Variants in FILIP1 observed in about 807,000 individuals in gnomAD.
FILIP1 encodes the protein filamin-A-interacting protein 1.
A neutral mutation model predicts 102.1 loss-of-function variants in FILIP1; 61 were observed. That is an observed-to-expected ratio of 0.60 (90% CI 0.49 to 0.74). The LOEUF is 0.74. Among genes scored for constraint, FILIP1 ranks in the 30% least tolerant of loss-of-function variants. The probability of loss-of-function intolerance (pLI) is 0.00; values close to 1 mark genes in which losing one functional copy is unlikely to be tolerated. For missense variants in FILIP1, 1,314 were observed against 1,441.2 expected (o/e 0.91, Z 1.43); for synonymous variants, 491 against 526.9 (o/e 0.93, Z 0.93).
At chr6:75,381,231 T>C (rs1284981732) in intron 2 of FILIP1, among the ~76,000 whole-genome samples, 3 of 150,240 alleles carry the variant, frequency 2.0e-5, no homozygotes, top group African/African-American at 7.5e-5. Flanking sequence ...GATAATTAGA[T>C]ACAATTTTTT....
chr6:75,374,151 A>G (rs879723113), intron 2 of FILIP1, among the ~76,000 whole-genome samples: 1 of 152,070 alleles, frequency 6.6e-6, no homozygotes, highest in Non-Finnish European at 1.5e-5. Context: ...ACACATTAGG[A>G]TATTAATAGT....
intron 4 of FILIP1, among the ~76,000 whole-genome samples, chr6:75,351,706 G>A (rs972055947): frequency 6.6e-6 from 1 of 152,198 alleles, no homozygotes; most frequent in African/African-American, 2.4e-5. Context: ...ATACATCTAA[G>A]TTTGTGTAAG....
chr6:75,307,983 A>G, downstream of FILIP1: 5 of 937,974 alleles, frequency 5.3e-6, no homozygotes, highest in South Asian at 2.0e-4. Flanking sequence ...TCTGACATTA[A>G]TGATTTTAAA....
At chr6:75,441,640 G>C (rs1395200433) in intron 1 of FILIP1, among the ~76,000 whole-genome samples, 1 of 147,932 alleles carries the variant, frequency 6.8e-6, no homozygotes, top group East Asian at 2.0e-4. Context: ...CCCGGACGGG[G>C]CGGCTGGCCG....
chr6:75,351,609 T>G (rs1774809994), intron 4 of FILIP1, among the ~76,000 whole-genome samples: 1 of 152,226 alleles, frequency 6.6e-6, no homozygotes, highest in Non-Finnish European at 1.5e-5. Flanking sequence ...TATAGTTGCC[T>G]GCAGAATTCA....
intron 2 of FILIP1, among the ~76,000 whole-genome samples, chr6:75,407,140 A>AC (rs765189656): frequency 9.9e-5 from 15 of 152,208 alleles, no homozygotes; most frequent in Non-Finnish European, 1.5e-5. Flanking sequence ...ATGGCTGGGA[A>AC]CCCCAAAAGA....
chr6:75,415,109 A>T, intron 1 of FILIP1, 131 bp from the exon 2 acceptor site: 1 of 879,452 alleles, frequency 1.1e-6, no homozygotes, highest in Non-Finnish European at 1.7e-6. Context: ...ACATGTCATT[A>T]AAATTTTCAG....
At chr6:75,447,968 TAAA>T in intron 1 of FILIP1, among the ~76,000 whole-genome samples, 1 of 151,024 alleles carries the variant, frequency 6.6e-6, no homozygotes, top group East Asian at 1.9e-4. Flanking sequence ...TTTTCAAACA[TAAA>T]AAAAAATAAA....
chr6:75,459,185 A>G (rs570788559), intron 1 of FILIP1, among the ~76,000 whole-genome samples: 1 of 152,266 alleles, frequency 6.6e-6, no homozygotes, highest in African/African-American at 2.4e-5. Context: ...GCTTGGTTTT[A>G]TTTTAACAGA....
chr6:75,451,353 T>G (rs928557519), intron 1 of FILIP1, among the ~76,000 whole-genome samples: 1 of 150,768 alleles, frequency 6.6e-6, no homozygotes, highest in Non-Finnish European at 1.5e-5. Flanking sequence ...AAACAACTTA[T>G]AAATCAATAT....
chr6:75,446,610 T>C (rs1462126667), intron 1 of FILIP1, among the ~76,000 whole-genome samples: 5 of 152,172 alleles, frequency 3.3e-5, no homozygotes, highest in Non-Finnish European at 7.4e-5. Context: ...TGACTTTCAC[T>C]TGGACAAACC....
At chr6:75,404,168 T>C (rs544972440) in intron 2 of FILIP1, among the ~76,000 whole-genome samples, 2 of 152,258 alleles carry the variant, frequency 1.3e-5, no homozygotes, top group South Asian at 2.1e-4. Flanking sequence ...GCCCAGGAGT[T>C]GGAGGCTGCA....
intron 2 of FILIP1, among the ~76,000 whole-genome samples, chr6:75,395,098 C>T (rs1776414839): frequency 6.6e-6 from 1 of 151,896 alleles, no homozygotes; most frequent in Non-Finnish European, 1.5e-5. Context: ...GGAAAAATTT[C>T]CAAGCCATAT....
rs145068072 is a variant in FILIP1, at chr6:75,325,102, A to G, written c.630-9900T>C. Among the ~76,000 whole-genome samples the G allele has an allele frequency of 6.0e-4, 92 of 152,212 alleles. 1 individual carries two copies. The East Asian group carries it at 0.016, about 27-fold the overall frequency. On this transcript the variant is annotated intron_variant, in intron 4 of 5. Coordinates refer to ENST00000237172, the MANE Select transcript of FILIP1 (RefSeq NM_015687.5). ...TAAATAGATGGAACCTAACTAAACT[A>G]AAAAGCTTCTGTACAGCAAAAGAAG...
chr6:75,297,571 C>T lies in FILIP1; in HGVS notation c.3494-1621G>A, dbSNP rs551527592. Among the ~76,000 whole-genome samples, 27 of 152,152 alleles carry T rather than the reference C, an allele frequency of 1.8e-4. 1 individual carries two copies. In the South Asian group the frequency reaches 5.2e-3, roughly 29 times the overall value. ...TACCAGAAGCCCTTATAAACCATCTCGTTTTTTTCATTGAAAAAATATTCC... is the reference window on the plus strand; with the variant it reads ...TACCAGAAGCCCTTATAAACCATCTTGTTTTTTTCATTGAAAAAATATTCC... On this transcript the variant is annotated intron_variant, in intron 6 of 6. Coordinates refer to the FILIP1 transcript ENST00000393004.
At chr6:75,408,517 T>C (rs1776948659) in intron 2 of FILIP1, among the ~76,000 whole-genome samples, 1 of 152,256 alleles carries the variant, frequency 6.6e-6, no homozygotes, top group Non-Finnish European at 1.5e-5. Flanking sequence ...TTTATAATAT[T>C]GGCTCAACAA....
At chr6:75,306,773 G>C (rs1772999449), downstream of FILIP1, among the ~76,000 whole-genome samples, 1 of 148,984 alleles carries the variant, frequency 6.7e-6, no homozygotes. Context: ...TATTTTTTGA[G>C]ACAGAGTCTC....
chr6:75,491,872 G>A (rs962757903), intron 1 of FILIP1, among the ~76,000 whole-genome samples: 27 of 152,096 alleles, frequency 1.8e-4, no homozygotes, highest in African/African-American at 1.2e-4. Context: ...CTTAGTTATC[G>A]CCACACTGTC....
chr6:75,415,429 A>C (rs1177272435), intron 1 of FILIP1, among the ~76,000 whole-genome samples: 2 of 151,626 alleles, frequency 1.3e-5, no homozygotes, highest in Non-Finnish European at 2.9e-5. Flanking sequence ...TAAAATAAAA[A>C]TAAATAAATA....
Sources: allele counts gnomAD v4.1 joint callset (sites outside exome capture counted in the v4.1 genomes callset), GRCh38; gene constraint gnomAD v4.1.1; transcripts MANE v1.5; gene names NCBI Gene and HGNC (gene_info 2026-07-23, HGNC 2026-07-21).